The following MAP2 variants were observed in gnomAD, a reference collection of about 807,000 sequenced individuals.
MAP2 encodes the protein microtubule associated protein 2.
In MAP2, 14 loss-of-function variants were observed where a neutral mutation model predicts 137.6. That is an observed-to-expected ratio of 0.10 (90% CI 0.07 to 0.16). The LOEUF is 0.16. Ranked by LOEUF, MAP2 falls within the 10% of genes least tolerant of loss-of-function variation. MAP2 has a pLI of 1.00. For synonymous variants in MAP2, 786 were observed against 782.3 expected, an observed-to-expected ratio of 1.00 and a Z score of -0.08; for missense variants, 2,088 against 2,191.5, an observed-to-expected ratio of 0.95 and a Z score of 0.94.
chr2:209,428,304 A>G (rs2149251511), intron 1 of MAP2, among the ~76,000 whole-genome samples: 1 of 152,122 alleles, frequency 6.6e-6, no homozygotes, highest in South Asian at 2.1e-4. Flanking sequence ...TCTACTGTTA[A>G]GTTTATATTG....
At chr2:209,444,602 T>G (rs931955196) in intron 1 of MAP2, among the ~76,000 whole-genome samples, 2 of 151,468 alleles carry the variant, frequency 1.3e-5, no homozygotes, top group African/African-American at 4.8e-5. Flanking sequence ...TTAAGATATT[T>G]TGTCAGAGGG....
intron 1 of MAP2, among the ~76,000 whole-genome samples, chr2:209,434,099 A>G (rs571439681): frequency 3.5e-4 from 54 of 152,176 alleles, no homozygotes; most frequent in African/African-American, 1.2e-3. Flanking sequence ...ATAATCTTGA[A>G]TCATGTATGA....
intron 2 of MAP2, among the ~76,000 whole-genome samples, chr2:209,512,155 T>G (rs1163480820): frequency 6.6e-6 from 1 of 152,110 alleles, no homozygotes; most frequent in Non-Finnish European, 1.5e-5. Context: ...AATGAGATAT[T>G]ATTATGAGTC....
intron 5 of MAP2, among the ~76,000 whole-genome samples, chr2:209,663,579 C>T (rs1436697366): frequency 6.6e-6 from 1 of 152,070 alleles, no homozygotes; most frequent in East Asian, 1.9e-4. Context: ...GTTATTAGAA[C>T]ACAGAAATGA....
intron 4 of MAP2, among the ~76,000 whole-genome samples, 156 bp from the exon 5 acceptor site, chr2:209,652,986 T>C (rs912354355): frequency 2.6e-5 from 4 of 152,228 alleles, no homozygotes; most frequent in African/African-American, 9.6e-5. Flanking sequence ...GATGAACTAA[T>C]TGACCCATTC....
rs866296178 is a variant in MAP2, at chr2:209,723,950, G to T, written c.5074-1759G>T. ...GATGCACCATGGTTTTCTGGAGAAT[G>T]GCAAAACCACTTCACTTGCCAACTT... On this transcript the variant is annotated intron_variant, in intron 13 of 15. Transcript: ENST00000682079. Among the ~76,000 whole-genome samples, 3 of 152,284 alleles carry T rather than the reference G, an allele frequency of 2.0e-5. No homozygotes were observed. In the South Asian group the frequency reaches 6.2e-4, roughly 32 times the overall value.
intron 3 of MAP2, among the ~76,000 whole-genome samples, chr2:209,616,285 A>G (rs1257536343): frequency 2.0e-5 from 3 of 152,206 alleles, no homozygotes; most frequent in Admixed American, 2.0e-4. Context: ...AAAATCCTAC[A>G]TCAATTTTAT....
intron 1 of MAP2, among the ~76,000 whole-genome samples, chr2:209,429,093 A>G (rs1047442602): frequency 2.6e-5 from 4 of 151,972 alleles, no homozygotes; most frequent in Non-Finnish European, 4.4e-5. Context: ...AGCTGGGACT[A>G]CAGGCGCCCG....
intron 2 of MAP2, among the ~76,000 whole-genome samples, chr2:209,546,845 C>A (rs1050576545): frequency 1.3e-5 from 2 of 152,052 alleles, no homozygotes; most frequent in Admixed American, 6.6e-5. Flanking sequence ...CTTTTATTTT[C>A]CACTGGTATT....
intron 3 of MAP2, among the ~76,000 whole-genome samples, chr2:209,611,014 A>AG (rs1196470505): frequency 6.6e-6 from 1 of 152,216 alleles, no homozygotes; most frequent in Non-Finnish European, 1.5e-5. Flanking sequence ...CACACAAAAA[A>AG]GTTAAAAACT....
At chr2:209,662,278 T>C (rs147442987) in intron 5 of MAP2, among the ~76,000 whole-genome samples, 1 of 152,238 alleles carries the variant, frequency 6.6e-6, no homozygotes, top group Admixed American at 6.5e-5. Flanking sequence ...ATTCCTCCCA[T>C]GCACTGTGGA....
intron 1 of MAP2, among the ~76,000 whole-genome samples, chr2:209,500,399 G>A (rs1245001470): frequency 2.0e-5 from 3 of 151,974 alleles, no homozygotes; most frequent in African/African-American, 7.2e-5. Context: ...CTGTTACTTT[G>A]TTTCTGTGTT....
chr2:209,499,007 C>CA (rs962128652), intron 1 of MAP2, among the ~76,000 whole-genome samples: 21 of 152,106 alleles, frequency 1.4e-4, no homozygotes, highest in African/African-American at 5.1e-4. Context: ...ATTCCTCTCT[C>CA]AAAAAAAGCT....
chr2:209,677,496 C>G (rs1007315432), intron 5 of MAP2, among the ~76,000 whole-genome samples: 1 of 151,914 alleles, frequency 6.6e-6, no homozygotes, highest in Non-Finnish European at 1.5e-5. Context: ...CAGCTATAAT[C>G]AGGAATGGAA....
rs2059468030 is a variant in MAP2, at chr2:209,693,513, C to A, written c.1343C>A (p.Thr448Asn). ...KETELKLEEK[T>N]TISDKEAVPK... Reference sequence around the variant, plus strand: ...ACTGAGCTGAAGCTTGAAGAAAAAACCACCATTTCTGACAAAGAAGCTGTG... The same window carrying A: ...ACTGAGCTGAAGCTTGAAGAAAAAAACACCATTTCTGACAAAGAAGCTGTG... The change falls in exon 8 of 16, where the codon ACC becomes AAC. Residue 448 changes from threonine to asparagine, a missense_variant. This residue lies in a region of MAP2 where 859 missense variants were observed against 794.5 expected (regional missense o/e 1.08). Transcript: ENST00000682079. 7 of 1,610,038 alleles carry A rather than the reference C, an allele frequency of 4.3e-6. No homozygotes were observed. The highest frequency in any genetic ancestry group is 5.9e-6 in the Non-Finnish European group (7 of 1,179,094).
At chr2:209,507,550 A>G (rs2061229242) in intron 1 of MAP2, 42 bp from the exon 2 acceptor site, 1 of 152,120 alleles carries the variant, frequency 6.6e-6, no homozygotes, top group African/African-American at 2.4e-5. Flanking sequence ...CAGATTGTTC[A>G]ACTGATTTAA....
intron 2 of MAP2, among the ~76,000 whole-genome samples, chr2:209,513,946 C>T (rs7562585): frequency 0.53 from 81,009 of 151,872 alleles, 22,605 homozygotes; most frequent in Middle Eastern, 0.64. Context: ...AAATGATTAC[C>T]ATTAAAAGGA....
intron 2 of MAP2, among the ~76,000 whole-genome samples, chr2:209,551,195 CA>C: frequency 6.6e-6 from 1 of 152,164 alleles, no homozygotes; most frequent in South Asian, 2.1e-4. Context: ...TTTAAGCCTA[CA>C]AAACTGAAGG....
At chr2:209,434,885 TTA>T (rs60440231) in intron 1 of MAP2, among the ~76,000 whole-genome samples, 2,354 of 74,652 alleles carry the variant, frequency 0.032, 91 homozygotes, top group Non-Finnish European at 0.045. Flanking sequence ...TATATATATG[TTA>T]TATATATGTT....
Sources: allele counts gnomAD v4.1 joint callset (sites outside exome capture counted in the v4.1 genomes callset), GRCh38; gene constraint gnomAD v4.1.1; regional missense constraint gnomAD v4.1.1; transcripts MANE v1.5; gene names NCBI Gene and HGNC (gene_info 2026-07-23, HGNC 2026-07-21).